Variants in KIAA0319 observed in about 807,000 individuals in gnomAD.
The protein encoded by KIAA0319 is KIAA0319, also known as dyslexia-associated protein KIAA0319.
KIAA0319 carries 83 observed loss-of-function variants against 108.4 expected under a neutral mutation model. The ratio of observed to expected loss-of-function variants is 0.77; its 90% confidence interval spans 0.64 to 0.92. KIAA0319 has a LOEUF of 0.92. Ranked by LOEUF, KIAA0319 falls within the 40% of genes least tolerant of loss-of-function variation. KIAA0319 has a pLI of 0.00. For missense variants in KIAA0319, 1,195 were observed against 1,322.4 expected (o/e 0.90, Z 1.49); for synonymous variants, 484 against 510.4 (o/e 0.95, Z 0.70).
In KIAA0319 at chr6:24,547,302, C is replaced by T. The variant is rs1426900106; in HGVS notation, c.3082G>A (p.Val1028Ile). ...RSTEHNSSLMVSESEFDSDQD... is the reference protein window; with the variant it reads ...RSTEHNSSLMISESEFDSDQD... ...TCACTGTCAAACTCAGACTCGGATA[C>T]CATCAGGCTGGAGTTGTGCTCTGTG... The change falls in exon 21 of 21, where the codon GTA becomes ATA. Residue 1028 changes from valine to isoleucine, a missense_variant. Transcript: ENST00000378214. 3 of 1,614,170 alleles carry T rather than the reference C, an allele frequency of 1.9e-6. No homozygotes were observed. The East Asian group carries it at 6.7e-5, about 36-fold the overall frequency.
chr6:24,575,367 AGG>A (rs1449576700), intron 10 of KIAA0319, among the ~76,000 whole-genome samples: 23 of 152,240 alleles, frequency 1.5e-4, no homozygotes, highest in African/African-American at 5.1e-4. Context: ...AAAGAAAATT[AGG>A]AAGATTTTTT....
intron 15 of KIAA0319, among the ~76,000 whole-genome samples, 157 bp downstream of exon 15, chr6:24,564,045 C>T (rs1416651705): frequency 6.6e-6 from 1 of 152,108 alleles, no homozygotes; most frequent in Non-Finnish European, 1.5e-5. Context: ...TCTGGGGATA[C>T]ACAACAAGGT....
intron 1 of KIAA0319, among the ~76,000 whole-genome samples, chr6:24,626,170 G>A (rs79217922): frequency 0.017 from 2,536 of 152,292 alleles, 71 homozygotes; most frequent in African/African-American, 0.057. Context: ...ATGCAAATCA[G>A]TGGCTGCCAG....
At chr6:24,582,367 T>A (rs371928415) in intron 5 of KIAA0319, 21 bp from the exon 6 acceptor site, 33 of 1,426,452 alleles carry the variant, frequency 2.3e-5, no homozygotes, top group Middle Eastern at 1.8e-4. Context: ...AAAATAAATA[T>A]GAGTAGTTAT....
chr6:24,556,835 G>A, intron 17 of KIAA0319, 106 bp from the exon 18 acceptor site: 2 of 1,289,892 alleles, frequency 1.6e-6, no homozygotes, highest in Non-Finnish European at 2.1e-6. Flanking sequence ...AAAGCATCTT[G>A]TTGAATTAAG....
Position 24,646,047 on chromosome 6 carries a change from C to G in KIAA0319, c.-417G>C, listed in dbSNP as rs1422463101. The G allele has an allele frequency of 2.6e-5, 4 of 152,800 alleles. No homozygotes were observed. The highest frequency in any genetic ancestry group is 6.5e-5 in the Admixed American group (1 of 15,292). 9.5% of individuals were successfully genotyped at this position (152,800 alleles called of 1,614,324 possible). A position where few individuals can be genotyped will look rare whatever the true frequency, so the allele number is the denominator to read the frequency against. ...GCTGCGCTCTCACCTCCGGCAGTGA[C>G]AGCGAGCGCCGCCGCCGCTCTGCGC... On this transcript the variant is annotated 5_prime_UTR_variant, in exon 1 of 21. Coordinates refer to ENST00000378214, the MANE Select transcript of KIAA0319 (RefSeq NM_014809.4).
At chr6:24,631,842 C>T (rs1405167705) in intron 1 of KIAA0319, among the ~76,000 whole-genome samples, 4 of 152,360 alleles carry the variant, frequency 2.6e-5, no homozygotes, top group East Asian at 3.9e-4. Context: ...CAGACACCCC[C>T]GCCAACGACT....
At chr6:24,595,049 C>G (rs1024552347) in intron 3 of KIAA0319, among the ~76,000 whole-genome samples, 6 of 152,162 alleles carry the variant, frequency 3.9e-5, no homozygotes, top group African/African-American at 1.4e-4. Context: ...TTCACCTGAG[C>G]TTTTTCATGG....
At chr6:24,604,165 C>T (rs1439383032) in intron 1 of KIAA0319, among the ~76,000 whole-genome samples, 1 of 152,106 alleles carries the variant, frequency 6.6e-6, no homozygotes, top group Non-Finnish European at 1.5e-5. Flanking sequence ...TGCCTAAAAC[C>T]CTAGAGGAAG....
chr6:24,637,837 A>C (rs1776400525), intron 1 of KIAA0319, among the ~76,000 whole-genome samples: 1 of 144,666 alleles, frequency 6.9e-6, no homozygotes, highest in Admixed American at 7.0e-5. Context: ...AAAAAAAAAA[A>C]TCTCTCAAGG....
At chr6:24,607,432 GT>G (rs771155351) in intron 1 of KIAA0319, among the ~76,000 whole-genome samples, 36 of 148,442 alleles carry the variant, frequency 2.4e-4, no homozygotes, top group East Asian at 3.9e-4. Context: ...TTGTTTTTCG[GT>G]TTTTTTTTTT....
chr6:24,640,355 T>C (rs1210298190), intron 1 of KIAA0319, among the ~76,000 whole-genome samples: 1 of 152,162 alleles, frequency 6.6e-6, no homozygotes, highest in African/African-American at 2.4e-5. Context: ...CCTTAGAAAT[T>C]AGCCATTTGT....
At chr6:24,596,720 G>T in intron 2 of KIAA0319, 102 bp from the exon 3 acceptor site, 1 of 1,051,872 alleles carries the variant, frequency 9.5e-7, no homozygotes, top group Non-Finnish European at 1.4e-6. Flanking sequence ...TCCCTGGCCA[G>T]TCTGGCAAGC....
chr6:24,572,373 G>A (rs1764843146), intron 11 of KIAA0319, among the ~76,000 whole-genome samples: 1 of 152,230 alleles, frequency 6.6e-6, no homozygotes, highest in African/African-American at 2.4e-5. Context: ...CACAAGCAGT[G>A]CTGTGGATGG....
intron 12 of KIAA0319, among the ~76,000 whole-genome samples, chr6:24,569,499 C>T (rs1361512963): frequency 1.3e-5 from 2 of 152,216 alleles, no homozygotes; most frequent in African/African-American, 4.8e-5. Flanking sequence ...CTCTTACAAA[C>T]TGATACAGGG....
intron 3 of KIAA0319, 80 bp downstream of exon 3, chr6:24,595,793 C>G: frequency 6.8e-7 from 1 of 1,469,852 alleles, no homozygotes; most frequent in African/African-American, 1.4e-5. Context: ...AATGAGTGCC[C>G]GGCTCCTGAA....
intron 1 of KIAA0319, among the ~76,000 whole-genome samples, chr6:24,619,517 G>A (rs1013725026): frequency 6.6e-6 from 1 of 152,150 alleles, no homozygotes; most frequent in Non-Finnish European, 1.5e-5. Flanking sequence ...CTGCTGAATA[G>A]GCCACAGGAT....
intron 19 of KIAA0319, among the ~76,000 whole-genome samples, chr6:24,553,252 C>A: frequency 7.1e-6 from 1 of 140,732 alleles, no homozygotes. Context: ...ACCTGTAAGG[C>A]CACTTAGGTA....
chr6:24,642,535 A>C (rs372302530), intron 1 of KIAA0319, among the ~76,000 whole-genome samples: 3 of 152,310 alleles, frequency 2.0e-5, no homozygotes, highest in African/African-American at 7.2e-5. Flanking sequence ...TATCAACTGT[A>C]ATGCTTAAAA....
Sources: gnomAD v4.1 joint callset for allele counts (sites outside exome capture counted in the v4.1 genomes callset) on GRCh38, gnomAD v4.1.1 for gene constraint, MANE v1.5 for transcripts, NCBI Gene and HGNC (gene_info 2026-07-23, HGNC 2026-07-21) for gene names.